THEMIS: variants seen among roughly 807,000 people sequenced by gnomAD.
THEMIS encodes the protein protein THEMIS.
Under a neutral mutation model 52.6 loss-of-function variants are expected in THEMIS, and 37 were observed. The observed-to-expected ratio is 0.70, with a 90% CI of 0.54 to 0.93. THEMIS has a LOEUF of 0.93. Ranked by LOEUF, THEMIS falls within the 40% of genes least tolerant of loss-of-function variation. THEMIS has a pLI of 0.00. For missense variants in THEMIS, 808 were observed against 763.1 expected, an observed-to-expected ratio of 1.06 and a Z score of -0.69; for synonymous variants, 292 against 272.7, an observed-to-expected ratio of 1.07 and a Z score of -0.70.
In THEMIS at chr6:127,833,567, A is replaced by T. The variant is rs145059859; in HGVS notation, c.251-3633T>A. The stretch of plus-strand genomic sequence containing the variant: ...TGTTGCATGTATGACTTACAAGGAC[A>T]TTGCTCATGAGAATAACATGTTTAT... On this transcript the variant is annotated intron_variant, in intron 2 of 5. Transcript: ENST00000368248. Among the ~76,000 whole-genome samples the T allele has an allele frequency of 1.2e-3, 182 of 152,284 alleles. 1 individual carries two copies. In the East Asian group the frequency reaches 0.017, roughly 14 times the overall value.
chr6:127,772,772 T>C (rs1240000345), intron 4 of THEMIS, among the ~76,000 whole-genome samples: 1 of 152,144 alleles, frequency 6.6e-6, no homozygotes, highest in Non-Finnish European at 1.5e-5. Flanking sequence ...TATTATGATG[T>C]TTATACTCCC....
intron 1 of THEMIS, among the ~76,000 whole-genome samples, chr6:127,885,613 A>G (rs957220941): frequency 2.6e-5 from 4 of 152,168 alleles, no homozygotes; most frequent in African/African-American, 7.2e-5. Context: ...GATAAACAAT[A>G]CTAGGGAATA....
chr6:127,786,359 G>A (rs766318480), intron 4 of THEMIS, among the ~76,000 whole-genome samples: 38 of 152,146 alleles, frequency 2.5e-4, no homozygotes, highest in Non-Finnish European at 4.6e-4. Flanking sequence ...GGTCTGAAAC[G>A]TTGTGAAATA....
rs778470089 is a variant in THEMIS, at chr6:127,855,122, C to T, written c.158G>A (p.Gly53Asp). ...FSTGEVIKIT[G>D]LKVKKIIAEI... is the part of the protein sequence containing the mutation. The stretch of plus-strand genomic sequence containing the variant: ...AGCTATGATCTTCTTAACTTTGAGA[C>T]CAGTAATTTTAATCACTTCTCCTGT... The change falls in exon 2 of 6, where the codon GGT becomes GAT. Residue 53 changes from glycine to aspartate, a missense_variant. Physicochemically the swap from Gly to Asp is moderately conservative, Grantham distance 94 (BLOSUM62 -1). Coordinates refer to ENST00000368248, the MANE Select transcript of THEMIS (RefSeq NM_001010923.3). 6.2e-6 allele frequency: 10 copies of T among 1,610,642 alleles called. No homozygotes were observed. In the Admixed American group the frequency reaches 1.7e-4, roughly 27 times the overall value.
chr6:127,856,787 C>G (rs1779633136), intron 1 of THEMIS, among the ~76,000 whole-genome samples: 1 of 151,874 alleles, frequency 6.6e-6, no homozygotes. Context: ...GGCTCAAGTC[C>G]TTTGTGGAAC....
Position 127,750,384 on chromosome 6 carries a change from T to C in THEMIS, c.1759-30561A>G, listed in dbSNP as rs1372606929. On this transcript the variant is annotated intron_variant, in intron 4 of 5. Transcript: ENST00000368248. Reference sequence around the variant, plus strand: ...CTCATGTAGACATTACAAGCACTGATTTCATTTATTTTTATACATATCTCA... The same window carrying C: ...CTCATGTAGACATTACAAGCACTGACTTCATTTATTTTTATACATATCTCA... 5.3e-5 allele frequency among the ~76,000 whole-genome samples: 8 copies of C among 151,912 alleles called. No individual in the cohort carries two copies. The South Asian group carries it at 8.3e-4, about 16-fold the overall frequency.
the THEMIS span, among the ~76,000 whole-genome samples, chr6:127,699,321 C>A: frequency 1.3e-5 from 2 of 151,566 alleles, no homozygotes; most frequent in Non-Finnish European, 3.0e-5. Context: ...GTTTGTATAA[C>A]TTCTCACTAA....
rs1337768228 is a variant in THEMIS at position 127,813,125 on chromosome 6, C to T, written c.1516G>A (p.Val506Met). Residue 506 changes from valine (V) to methionine (M), a missense_variant, in exon 4 of 6, where the codon GTG (valine) becomes ATG (methionine). Coordinates refer to ENST00000368248, the MANE Select transcript of THEMIS (RefSeq NM_001010923.3). ...TGAACAGTCATATTCAAGCGGCCCA[C>T]AGGAATTTCCCAGCACTCCGTGGGG... ...ANPTECWEIP[V>M]GRLNMTVQLV... The T allele has an allele frequency of 6.2e-7, 1 of 1,613,938 alleles. No homozygotes were observed. The highest frequency in any genetic ancestry group is 1.3e-5 in the African/African-American group (1 of 74,868).
In THEMIS at chr6:127,873,261, G is replaced by A. The variant is rs9388597; in HGVS notation, c.92-18073C>T. Among the ~76,000 whole-genome samples, 296 of 152,182 alleles carry A rather than the reference G, an allele frequency of 1.9e-3. 8 individuals carry two copies. In the East Asian group the frequency reaches 0.053, roughly 27 times the overall value. ...CAATGCAATTCTTATCAACATTTTT[G>A]TAAATTTTTTGTAGGTATAGATGAG... On this transcript the variant is annotated intron_variant, in intron 1 of 5. Transcript: ENST00000368248.
chr6:127,890,962 G>C (rs1025977801), intron 1 of THEMIS, among the ~76,000 whole-genome samples: 6 of 151,972 alleles, frequency 3.9e-5, no homozygotes, highest in Non-Finnish European at 8.8e-5. Context: ...TGATCAATTA[G>C]GTAATGGATA....
chr6:127,849,194 A>G (rs1241359327), intron 2 of THEMIS, among the ~76,000 whole-genome samples: 6 of 151,936 alleles, frequency 3.9e-5, no homozygotes, highest in Non-Finnish European at 7.4e-5. Flanking sequence ...TCCTTTCCCC[A>G]TTTCTTGTTT....
At chr6:127,722,337 C>T (rs1376874680) in intron 4 of THEMIS, among the ~76,000 whole-genome samples, 1 of 151,986 alleles carries the variant, frequency 6.6e-6, no homozygotes, top group Non-Finnish European at 1.5e-5. Flanking sequence ...TTAGCCCCTC[C>T]TTCTAGTTCC....
intron 1 of THEMIS, among the ~76,000 whole-genome samples, chr6:127,872,423 T>G (rs1319828555): frequency 6.6e-6 from 1 of 151,854 alleles, no homozygotes; most frequent in Non-Finnish European, 1.5e-5. Context: ...AAGACAAAAA[T>G]TAGCCGGGCA....
intron 4 of THEMIS, among the ~76,000 whole-genome samples, chr6:127,806,710 C>G (rs1473359261): frequency 6.6e-6 from 1 of 152,160 alleles, no homozygotes. Context: ...ATTATACCAA[C>G]TCAGCTATCC....
chr6:127,721,203 G>A (rs894593952), intron 4 of THEMIS, among the ~76,000 whole-genome samples: 7 of 152,000 alleles, frequency 4.6e-5, no homozygotes, highest in South Asian at 2.1e-4. Flanking sequence ...AGCCCCAGAC[G>A]TTTGGGTGAA....
intron 2 of THEMIS, among the ~76,000 whole-genome samples, chr6:127,854,806 G>C (rs1053945394): frequency 6.6e-6 from 1 of 151,804 alleles, no homozygotes; most frequent in African/African-American, 2.4e-5. Flanking sequence ...TAACCAAAGA[G>C]ATTAATTCTT....
At chr6:127,746,181 C>T (rs1319974022) in intron 4 of THEMIS, among the ~76,000 whole-genome samples, 1 of 151,696 alleles carries the variant, frequency 6.6e-6, no homozygotes, top group Non-Finnish European at 1.5e-5. Flanking sequence ...TGAAAGAAAA[C>T]CCAAAATATT....
chr6:127,850,138 GC>G (rs1779370937), intron 2 of THEMIS, among the ~76,000 whole-genome samples: 1 of 151,856 alleles, frequency 6.6e-6, no homozygotes, highest in Non-Finnish European at 1.5e-5. Context: ...TATGAAAAAT[GC>G]CCAACATAAC....
intron 1 of THEMIS, among the ~76,000 whole-genome samples, chr6:127,907,337 A>ATTTTTTTTTTTTTGTTTTT (rs1781298312): frequency 2.0e-5 from 1 of 49,448 alleles, no homozygotes; most frequent in Non-Finnish European, 3.7e-5. Context: ...TTAGGCTCGG[A>ATTTTTTTTTTTTTGTTTTT]TTTTTTTTTT....
Sources: allele counts gnomAD v4.1 joint callset (sites outside exome capture counted in the v4.1 genomes callset), GRCh38; gene constraint gnomAD v4.1.1; transcripts MANE v1.5; gene names NCBI Gene and HGNC (gene_info 2026-07-23, HGNC 2026-07-21).